The following NALF1 variants were observed in gnomAD, a reference collection of about 807,000 sequenced individuals.
NALF1 encodes NALCN channel auxiliary factor 1.
Under a neutral mutation model 48.4 loss-of-function variants are expected in NALF1, and 3 were observed. That is an observed-to-expected ratio of 0.06 (90% confidence interval 0.03 to 0.16). NALF1 has a LOEUF of 0.16. NALF1 is among the 10% of genes least tolerant of loss of function. The probability of loss-of-function intolerance (pLI) is 1.00; values close to 1 mark genes in which losing one functional copy is unlikely to be tolerated. For missense variants in NALF1, 526 were observed against 571.5 expected, an observed-to-expected ratio of 0.92 and a Z score of 0.81; for synonymous variants, 262 against 245.7, an observed-to-expected ratio of 1.07 and a Z score of -0.62.
intron 1 of NALF1, among the ~76,000 whole-genome samples, chr13:107,374,686 G>A (rs1176122882): frequency 6.6e-6 from 1 of 152,096 alleles, no homozygotes; most frequent in African/African-American, 2.4e-5. Context: ...GTTGGGAGGC[G>A]GGTTGTAATG....
intron 1 of NALF1, among the ~76,000 whole-genome samples, chr13:107,847,403 T>C (rs1257575078): frequency 6.6e-6 from 1 of 152,196 alleles, no homozygotes; most frequent in Non-Finnish European, 1.5e-5. Flanking sequence ...CCTCTTGAAA[T>C]TCATGGCCTT....
At chr13:107,769,206 C>T (rs1269981036) in intron 1 of NALF1, among the ~76,000 whole-genome samples, 2 of 148,566 alleles carry the variant, frequency 1.3e-5, no homozygotes, top group African/African-American at 5.0e-5. Flanking sequence ...ACTCAAAGGA[C>T]TATAAATCAT....
intron 1 of NALF1, among the ~76,000 whole-genome samples, chr13:107,307,535 G>A (rs976319854): frequency 1.3e-5 from 2 of 149,232 alleles, no homozygotes; most frequent in Non-Finnish European, 3.0e-5. Flanking sequence ...GCTGGTTGGA[G>A]TACAGTGGCG....
intron 1 of NALF1, 74 bp from the exon 2 acceptor site, chr13:107,210,829 T>G (rs1389291697): frequency 9.6e-6 from 10 of 1,040,788 alleles, no homozygotes; most frequent in African/African-American, 1.6e-5. Context: ...GTGAGAAGCG[T>G]GCAAGCGTGC....
chr13:107,186,692 T>C (rs1246998696), intron 2 of NALF1, among the ~76,000 whole-genome samples: 1 of 152,212 alleles, frequency 6.6e-6, no homozygotes, highest in African/African-American at 2.4e-5. Flanking sequence ...AGGCAATTTT[T>C]ACAACAGCAC....
At chr13:107,171,490 G>A (rs906804480) in intron 2 of NALF1, among the ~76,000 whole-genome samples, 3 of 152,132 alleles carry the variant, frequency 2.0e-5, no homozygotes, top group Admixed American at 2.0e-4. Flanking sequence ...CTCCAATTGT[G>A]CCTATCAGGA....
chr13:107,313,521 C>T (rs372501767), intron 1 of NALF1, among the ~76,000 whole-genome samples: 3 of 152,060 alleles, frequency 2.0e-5, no homozygotes, highest in Non-Finnish European at 4.4e-5. Context: ...AGATCTTTAC[C>T]CTAAAACAGT....
intron 1 of NALF1, among the ~76,000 whole-genome samples, chr13:107,215,216 G>C (rs890967955): frequency 6.6e-6 from 1 of 152,198 alleles, no homozygotes; most frequent in Non-Finnish European, 1.5e-5. Flanking sequence ...TATTCGGAAG[G>C]TATCACTTGA....
chr13:107,257,283 T>G (rs148798925), intron 1 of NALF1, among the ~76,000 whole-genome samples: 152 of 152,270 alleles, frequency 1.0e-3, no homozygotes, highest in Middle Eastern at 6.8e-3. Flanking sequence ...TGTTAACCAT[T>G]TATGTATTCA....
At chr13:107,789,495 C>G (rs1417970370) in intron 1 of NALF1, among the ~76,000 whole-genome samples, 1 of 152,150 alleles carries the variant, frequency 6.6e-6, no homozygotes, top group Non-Finnish European at 1.5e-5. Flanking sequence ...TCATCTTTAT[C>G]TCATCATTTC....
intron 1 of NALF1, among the ~76,000 whole-genome samples, chr13:107,234,712 A>G (rs1023820665): frequency 1.3e-5 from 2 of 151,796 alleles, no homozygotes; most frequent in African/African-American, 4.9e-5. Context: ...TTAGAAAAAA[A>G]AACCAAAACA....
intron 1 of NALF1, among the ~76,000 whole-genome samples, chr13:107,607,628 C>G (rs1482150326): frequency 6.6e-6 from 1 of 152,114 alleles, no homozygotes; most frequent in Non-Finnish European, 1.5e-5. Context: ...CTCACTCCTC[C>G]CTCCTGCTCT....
chr13:107,465,200 T>A (rs2139046494), intron 1 of NALF1, among the ~76,000 whole-genome samples: 1 of 152,164 alleles, frequency 6.6e-6, no homozygotes, highest in East Asian at 1.9e-4. Context: ...AATTTAGATT[T>A]TTTTAATATA....
chr13:107,446,648 A>C (rs2139031190), intron 1 of NALF1, among the ~76,000 whole-genome samples: 1 of 152,270 alleles, frequency 6.6e-6, no homozygotes, highest in African/African-American at 2.4e-5. Flanking sequence ...TTTAAATATT[A>C]TTTATAGTGG....
intron 1 of NALF1, among the ~76,000 whole-genome samples, chr13:107,346,606 G>T (rs1369687951): frequency 6.6e-6 from 1 of 152,220 alleles, no homozygotes; most frequent in Non-Finnish European, 1.5e-5. Context: ...GATTGCCAGG[G>T]TGTGGGGAGG....
At chr13:107,353,076 C>CCTGA (rs1882904220) in intron 1 of NALF1, among the ~76,000 whole-genome samples, 1 of 152,034 alleles carries the variant, frequency 6.6e-6, no homozygotes, top group Non-Finnish European at 1.5e-5. Flanking sequence ...CCTTCTGCCT[C>CCTGA]CTGACTGTTC....
chr13:107,474,478 A>G (rs1885148248), intron 1 of NALF1, among the ~76,000 whole-genome samples: 1 of 152,224 alleles, frequency 6.6e-6, no homozygotes. Context: ...CGTATGGTTT[A>G]CTAGAACTAA....
In NALF1 at chr13:107,459,950, C is replaced by G. The variant is rs140169030; in HGVS notation, c.916-249195G>C. The stretch of plus-strand genomic sequence containing the variant: ...AGAGATGGGGTTTCACTATGTTGCC[C>G]AAACTGGTCACAAACTCCTGGGTTC... On this transcript the variant is annotated intron_variant, in intron 1 of 2. Coordinates refer to ENST00000375915, the MANE Select transcript of NALF1 (RefSeq NM_001080396.3). Among the ~76,000 whole-genome samples the G allele has an allele frequency of 2.7e-3, 414 of 152,154 alleles. 6 individuals are homozygous for G. Among genetic ancestry groups the G allele is most frequent in the East Asian group, 0.021 (107 of 5,154 alleles).
intron 1 of NALF1, among the ~76,000 whole-genome samples, chr13:107,339,302 A>G (rs1882624980): frequency 6.6e-6 from 1 of 151,932 alleles, no homozygotes; most frequent in Non-Finnish European, 1.5e-5. Flanking sequence ...AATGTGGTTA[A>G]CTTTCCCTAG....
Sources: gnomAD v4.1 joint callset for allele counts (sites outside exome capture counted in the v4.1 genomes callset) on GRCh38, gnomAD v4.1.1 for gene constraint, MANE v1.5 for transcripts, NCBI Gene and HGNC (gene_info 2026-07-23, HGNC 2026-07-21) for gene names.